NBEA: variants seen among roughly 807,000 people sequenced by gnomAD.
NBEA encodes lysosomal-trafficking regulator 2.
In NBEA, 44 loss-of-function variants were observed where a neutral mutation model predicts 343.4. The ratio of observed to expected loss-of-function variants is 0.13; its 90% CI spans 0.10 to 0.16. The LOEUF (loss-of-function observed/expected upper bound fraction) is 0.16. Among genes scored for constraint, NBEA ranks in the 10% least tolerant of loss-of-function variants. The pLI is 1.00. For missense variants in NBEA, 2,555 were observed against 3,631.3 expected (o/e 0.70, Z 7.62); for synonymous variants, 1,175 against 1,238.7 (o/e 0.95, Z 1.08).
intron 13 of NBEA, among the ~76,000 whole-genome samples, chr13:35,111,191 A>G (rs1486098286): frequency 6.6e-6 from 1 of 152,194 alleles, no homozygotes; most frequent in Non-Finnish European, 1.5e-5. Context: ...AAAAGCAACA[A>G]TAGTCTTTAT....
chr13:35,595,899 G>A (rs2081773962), intron 47 of NBEA, among the ~76,000 whole-genome samples: 1 of 151,804 alleles, frequency 6.6e-6, no homozygotes, highest in South Asian at 2.1e-4. Context: ...TTTTTTTTGA[G>A]TGACGTGGAA....
chr13:35,326,438 G>C (rs1334270862), intron 36 of NBEA, among the ~76,000 whole-genome samples: 2 of 151,950 alleles, frequency 1.3e-5, no homozygotes, highest in African/African-American at 4.8e-5. Flanking sequence ...CTCAAAACTT[G>C]AATGTTATTG....
intron 34 of NBEA, among the ~76,000 whole-genome samples, chr13:35,241,541 TA>T (rs1315394275): frequency 1.3e-5 from 2 of 151,122 alleles, no homozygotes; most frequent in Non-Finnish European, 3.0e-5. Flanking sequence ...GTGTAGAGGG[TA>T]AAAAAATCAC....
intron 34 of NBEA, among the ~76,000 whole-genome samples, chr13:35,249,866 G>C (rs1258906040): frequency 6.6e-6 from 1 of 152,114 alleles, no homozygotes; most frequent in African/African-American, 2.4e-5. Flanking sequence ...AAAAAATGTA[G>C]TATATACATA....
At chr13:35,590,248 T>A (rs2081473684) in intron 46 of NBEA, among the ~76,000 whole-genome samples, 1 of 152,098 alleles carries the variant, frequency 6.6e-6, no homozygotes, top group South Asian at 2.1e-4. Flanking sequence ...TAATCAGAGC[T>A]TGAAAGATCA....
intron 38 of NBEA, among the ~76,000 whole-genome samples, chr13:35,423,152 A>G (rs1275950536): frequency 6.6e-6 from 1 of 152,106 alleles, no homozygotes; most frequent in East Asian, 1.9e-4. Context: ...CTTTAGTTTA[A>G]TTAGATCCCA....
intron 45 of NBEA, among the ~76,000 whole-genome samples, chr13:35,574,248 A>T (rs999609746): frequency 1.3e-5 from 2 of 150,264 alleles, no homozygotes; most frequent in Non-Finnish European, 1.5e-5. Context: ...ATTTTCTTCC[A>T]TTCGTTACCT....
rs568564155 is a variant in NBEA at position 35,571,443 on chromosome 13, G to C, written c.7035+4426G>C. Among the ~76,000 whole-genome samples the C allele has an allele frequency of 3.9e-5, 6 of 152,162 alleles. No homozygotes were observed. In the East Asian group the frequency reaches 9.6e-4, roughly 24 times the overall value. ...TATTTGTTTCTGTGTCACATATTGT[G>C]CAAATTTAAGATGTTTTCTAAATTC... is the stretch of plus-strand genomic sequence containing the variant. On this transcript the variant is annotated intron_variant, in intron 45 of 58. Transcript: ENST00000379939.
intron 39 of NBEA, among the ~76,000 whole-genome samples, chr13:35,439,180 C>T (rs2045601187): frequency 6.6e-6 from 1 of 152,136 alleles, no homozygotes; most frequent in East Asian, 1.9e-4. Flanking sequence ...TATCCTACCA[C>T]ATACAGGAGA....
chr13:35,071,746 A>T (rs931804126), intron 10 of NBEA, among the ~76,000 whole-genome samples: 3 of 152,078 alleles, frequency 2.0e-5, no homozygotes, highest in African/African-American at 7.2e-5. Flanking sequence ...AATTTAAGGT[A>T]CAATGAAATG....
intron 48 of NBEA, among the ~76,000 whole-genome samples, chr13:35,616,636 A>C (rs1298188776): frequency 6.6e-6 from 1 of 152,262 alleles, no homozygotes; most frequent in Non-Finnish European, 1.5e-5. Context: ...CTATAAAGAC[A>C]ATTTAAACTC....
chr13:35,613,448 C>G (rs895817727), intron 48 of NBEA, among the ~76,000 whole-genome samples: 1 of 151,880 alleles, frequency 6.6e-6, no homozygotes, highest in Non-Finnish European at 1.5e-5. Flanking sequence ...TCCATTCATT[C>G]GTTGGTAGAC....
chr13:35,489,504 C>T (rs1356348273), intron 41 of NBEA, among the ~76,000 whole-genome samples: 2 of 151,852 alleles, frequency 1.3e-5, no homozygotes, highest in East Asian at 3.9e-4. Flanking sequence ...CTTCTCTGAT[C>T]CCTAAGAATT....
chr13:35,090,325 A>G (rs977268518), intron 10 of NBEA, among the ~76,000 whole-genome samples: 4 of 151,964 alleles, frequency 2.6e-5, no homozygotes, highest in African/African-American at 9.7e-5. Flanking sequence ...GCAACCCACA[A>G]GAGATTTCTG....
chr13:35,308,980 A>AT (rs1486170184), intron 35 of NBEA, among the ~76,000 whole-genome samples: 1 of 151,834 alleles, frequency 6.6e-6, no homozygotes, highest in Non-Finnish European at 1.5e-5. Flanking sequence ...TTTTTTTACA[A>AT]TTTTCAAAAT....
intron 35 of NBEA, among the ~76,000 whole-genome samples, chr13:35,298,644 A>G (rs189446740): frequency 1.4e-4 from 22 of 152,124 alleles, no homozygotes; most frequent in Non-Finnish European, 2.9e-4. Flanking sequence ...AAACACAAAT[A>G]CAAATACATA....
At chr13:35,161,447 TTAAAGA>T (rs1439899047) in intron 22 of NBEA, among the ~76,000 whole-genome samples, 1 of 152,118 alleles carries the variant, frequency 6.6e-6, no homozygotes, top group Non-Finnish European at 1.5e-5. Context: ...GTGGTCTAAT[TTAAAGA>T]CTCTTAATGG....
At chr13:35,597,489 T>C (rs1201564471) in intron 47 of NBEA, among the ~76,000 whole-genome samples, 1 of 152,198 alleles carries the variant, frequency 6.6e-6, no homozygotes, top group African/African-American at 2.4e-5. Context: ...TGTGCCTCTG[T>C]AGGAGTACAC....
At chr13:35,650,547 C>CA (rs1296503113) in intron 52 of NBEA, among the ~76,000 whole-genome samples, 18 of 152,108 alleles carry the variant, frequency 1.2e-4, no homozygotes, top group Non-Finnish European at 2.1e-4. Flanking sequence ...ACTAAAACTA[C>CA]AAAAATTAAC....
Sources: gnomAD v4.1 joint callset for allele counts (sites outside exome capture counted in the v4.1 genomes callset) on GRCh38, gnomAD v4.1.1 for gene constraint, MANE v1.5 for transcripts, NCBI Gene and HGNC (gene_info 2026-07-23, HGNC 2026-07-21) for gene names.